XIRP2: variants seen among roughly 807,000 people sequenced by gnomAD.
XIRP2 encodes the protein xin actin-binding repeat-containing protein 2.
XIRP2 carries 236 observed loss-of-function variants against 277.0 expected under a neutral mutation model. That is an observed-to-expected ratio of 0.85 (90% CI 0.77 to 0.95). The LOEUF (loss-of-function observed/expected upper bound fraction) is 0.95, where lower values mean the gene tolerates loss of function less well. XIRP2 is among the 40% of genes least tolerant of loss of function. XIRP2 has a pLI of 0.00. For missense variants in XIRP2, 4,640 were observed against 4,157.5 expected (o/e 1.12, Z -3.19); for synonymous variants, 1,490 against 1,416.5 (o/e 1.05, Z -1.17).
At chr2:166,950,356 C>G (rs371709315) in intron 2 of XIRP2, among the ~76,000 whole-genome samples, 2 of 151,920 alleles carry the variant, frequency 1.3e-5, no homozygotes, top group Middle Eastern at 3.4e-3. Context: ...TCTGCCTTTC[C>G]GTTCGTGTAT....
At chr2:166,898,453 A>G (rs1684298622) in intron 1 of XIRP2, among the ~76,000 whole-genome samples, 1 of 152,140 alleles carries the variant, frequency 6.6e-6, no homozygotes, top group Non-Finnish European at 1.5e-5. Flanking sequence ...TAAAACTTGG[A>G]GTAGTGACTA....
At chr2:167,116,083 G>A (rs1690889245) in intron 2 of XIRP2, among the ~76,000 whole-genome samples, 1 of 152,092 alleles carries the variant, frequency 6.6e-6, no homozygotes, top group Non-Finnish European at 1.5e-5. Flanking sequence ...ACATTCCAAG[G>A]ACACTTGAAA....
chr2:167,229,800 C>A (rs918441279), intron 5 of XIRP2, among the ~76,000 whole-genome samples: 3 of 152,076 alleles, frequency 2.0e-5, no homozygotes, highest in South Asian at 2.1e-4. Flanking sequence ...TTCCTAGAGC[C>A]ATGCTGTTGT....
Position 167,243,056 on chromosome 2 carries a change from A to C in XIRP2, c.1664A>C (p.Lys555Thr). The part of the protein sequence containing the change: ...VFENTNDSSQ[K>T]DLNSEREYLE... The stretch of plus-strand genomic sequence containing the variant: ...GAAAACACAAATGACAGTTCTCAAA[A>C]AGATCTGAACTCAGAAAGAGAATAC... Residue 555 changes from lysine (K) to threonine (T), a missense_variant, in exon 9 of 11, where the codon AAA becomes ACA. Coordinates refer to ENST00000409195, the MANE Select transcript of XIRP2 (RefSeq NM_152381.6). 6.2e-7 allele frequency: 1 copy of C among 1,614,112 alleles called. No individual in the cohort carries two copies. Among genetic ancestry groups the C allele is most frequent in the Non-Finnish European group, 8.5e-7 (1 of 1,179,992 alleles).
intron 3 of XIRP2, among the ~76,000 whole-genome samples, chr2:167,204,748 T>C (rs556951717): frequency 1.7e-4 from 26 of 152,306 alleles, no homozygotes; most frequent in African/African-American, 5.8e-4. Flanking sequence ...GTGTTCTTTA[T>C]TGAAAACAAA....
chr2:167,066,038 A>T lies in XIRP2; in HGVS notation c.409-69871A>T, dbSNP rs184310253. Among the ~76,000 whole-genome samples the T allele has an allele frequency of 6.1e-4, 93 of 151,788 alleles. 1 individual carries two copies. Among genetic ancestry groups the T allele is most frequent in the African/African-American group, 2.2e-3 (91 of 41,456 alleles). On this transcript the variant is annotated intron_variant, in intron 2 of 10. Coordinates refer to ENST00000409195, the MANE Select transcript of XIRP2 (RefSeq NM_152381.6). Reference sequence around the variant, plus strand: ...ACCATCATTAATAAACATATCCATCACTTCCAGAAGTGTTAGGGGGTGTGT... The same window carrying T: ...ACCATCATTAATAAACATATCCATCTCTTCCAGAAGTGTTAGGGGGTGTGT...
At chr2:166,912,573 G>A (rs188120695) in intron 2 of XIRP2, among the ~76,000 whole-genome samples, 1 of 152,284 alleles carries the variant, frequency 6.6e-6, no homozygotes, top group Admixed American at 6.5e-5. Context: ...CTAGCTTGGA[G>A]AAGTTTGATC....
At chr2:166,998,599 T>C (rs1233512220) in intron 2 of XIRP2, among the ~76,000 whole-genome samples, 2 of 152,232 alleles carry the variant, frequency 1.3e-5, no homozygotes, top group East Asian at 3.9e-4. Context: ...ATAGCGCCAC[T>C]GCACTCCAGC....
At position 167,218,253 on chromosome 2, in the gene XIRP2, A is replaced by G. The variant is rs1161566490; in HGVS notation, c.811A>G (p.Asn271Asp). Residue 271 changes from asparagine (N) to aspartate (D), a missense_variant, in exon 5 of 11, where the codon AAT (asparagine) becomes GAT (aspartate). By Grantham distance (23) the Asn-to-Asp change is conservative (BLOSUM62 1). Coordinates refer to ENST00000409195, the MANE Select transcript of XIRP2 (RefSeq NM_152381.6). ...QFEDEITSSR[N>D]TFAQYQYQHQ... is the part of the protein sequence containing the mutation. ...TGAGGACGAAATTACTTCTTCCCGT[A>G]ATACCTTTGCTCAATACCAATATCA... The G allele has an allele frequency of 1.2e-6, 2 of 1,608,342 alleles. No homozygotes were observed. The highest frequency in any genetic ancestry group is 1.7e-6 in the Non-Finnish European group (2 of 1,177,460).
intron 1 of XIRP2, among the ~76,000 whole-genome samples, chr2:166,895,918 T>G (rs1248754816): frequency 6.6e-6 from 1 of 152,184 alleles, no homozygotes; most frequent in African/African-American, 2.4e-5. Flanking sequence ...GACTACTACA[T>G]AGATATACTA....
chr2:166,907,668 G>T (rs1684561390), intron 2 of XIRP2, among the ~76,000 whole-genome samples: 2 of 151,394 alleles, frequency 1.3e-5, no homozygotes, highest in South Asian at 4.2e-4. Context: ...CAACGTGCAG[G>T]TTTGTTACAT....
intron 2 of XIRP2, among the ~76,000 whole-genome samples, chr2:166,904,799 T>A (rs1684474433): frequency 6.6e-6 from 1 of 152,124 alleles, no homozygotes; most frequent in Admixed American, 6.6e-5. Flanking sequence ...TTTGTTTTAT[T>A]TGGTTTTCAC....
chr2:167,099,036 C>A (rs924006591), intron 2 of XIRP2, among the ~76,000 whole-genome samples: 6 of 152,176 alleles, frequency 3.9e-5, no homozygotes, highest in Non-Finnish European at 8.8e-5. Context: ...AAGCACTATG[C>A]TGGGAGATCT....
chr2:166,955,158 A>T (rs1686129637), intron 2 of XIRP2, among the ~76,000 whole-genome samples: 1 of 151,892 alleles, frequency 6.6e-6, no homozygotes, highest in Non-Finnish European at 1.5e-5. Flanking sequence ...ATGGGAAACA[A>T]ATTAAATGTC....
rs896780644 is a variant in XIRP2 at position 167,144,490 on chromosome 2, TA to T, written c.562+8439del. Among the ~76,000 whole-genome samples, 361 of 148,102 alleles carry T rather than the reference TA, an allele frequency of 2.4e-3. 4 individuals carry two copies. Among genetic ancestry groups the T allele is most frequent in the African/African-American group, 6.9e-3 (280 of 40,592 alleles). On this transcript the variant is annotated intron_variant, in intron 3 of 10. Coordinates refer to ENST00000409195, the MANE Select transcript of XIRP2 (RefSeq NM_152381.6). ...CGTTCTATTTTTTGAAGATCATCTT[TA>T]AAAAAAAAAATCAGATTTTGCCAAA... is the stretch of plus-strand genomic sequence containing the variant.
At chr2:166,952,600 C>T (rs1686063045) in intron 2 of XIRP2, among the ~76,000 whole-genome samples, 1 of 151,866 alleles carries the variant, frequency 6.6e-6, no homozygotes, top group African/African-American at 2.4e-5. Context: ...ATTAATAATC[C>T]CACACGAATC....
Position 167,245,445 on chromosome 2 carries a change from G to T in XIRP2, c.4053G>T (p.Arg1351Ser). Residue 1351 changes from arginine to serine, a missense_variant, in exon 9 of 11, where the codon AGG becomes AGT. By Grantham distance (110) the Arg-to-Ser change is moderately radical (BLOSUM62 -1). Transcript: ENST00000409195. The part of the protein sequence containing the change: ...EVIHGDVRGT[R>S]WLFETKPLDS... ...TTCATGGAGATGTGCGAGGAACAAG[G>T]TGGCTTTTTGAAACAAAGCCATTAG... The T allele has an allele frequency of 6.2e-7, 1 of 1,613,616 alleles. No homozygotes were observed. Among genetic ancestry groups the T allele is most frequent in the South Asian group, 1.1e-5 (1 of 91,058 alleles).
intron 2 of XIRP2, among the ~76,000 whole-genome samples, chr2:167,056,866 G>A (rs1296667451): frequency 6.6e-6 from 1 of 152,030 alleles, no homozygotes; most frequent in African/African-American, 2.4e-5. Context: ...GGGAGCTTTG[G>A]TTATATAATA....
Position 167,246,408 on chromosome 2 carries a change from T to C in XIRP2, c.5016T>C (p.Ser1672=), listed in dbSNP as rs1338499945. 1 of 1,613,638 alleles carries C rather than the reference T, an allele frequency of 6.2e-7. No individual in the cohort carries two copies. ...AAAACCTGTTCTCTGAGGAAAGATC[T>C]GTAAAGAAAGGCATCTTAATTCAGG... The part of the protein sequence containing the change: ...AIKNLFSEER[S]VKKGILIQED... The change falls in exon 9 of 11, where the codon TCT becomes TCC. Residue 1672 remains serine (S), a synonymous_variant. Coordinates refer to ENST00000409195, the MANE Select transcript of XIRP2 (RefSeq NM_152381.6).
Sources: allele counts gnomAD v4.1 joint callset (sites outside exome capture counted in the v4.1 genomes callset), GRCh38; gene constraint gnomAD v4.1.1; transcripts MANE v1.5; gene names NCBI Gene and HGNC (gene_info 2026-07-23, HGNC 2026-07-21).